DDX18: variants seen among roughly 807,000 people sequenced by gnomAD.
DDX18 encodes the protein ATP-dependent RNA helicase DDX18.
In DDX18, 23 loss-of-function variants were observed where a neutral mutation model predicts 73.5. The ratio of observed to expected loss-of-function variants is 0.31; its 90% CI spans 0.23 to 0.44. The LOEUF (loss-of-function observed/expected upper bound fraction) is 0.44, where lower values mean the gene tolerates loss of function less well. Ranked by LOEUF, DDX18 falls within the 20% of genes least tolerant of loss-of-function variation. The probability of loss-of-function intolerance (pLI) is 1.00; values close to 1 mark genes in which losing one functional copy is unlikely to be tolerated. For synonymous variants in DDX18, 268 were observed against 282.7 expected, an observed-to-expected ratio of 0.95 and a Z score of 0.52; for missense variants, 753 against 792.9, an observed-to-expected ratio of 0.95 and a Z score of 0.60.
rs1000878206 is a variant in DDX18 at position 117,831,647 on chromosome 2, C to T, written c.*923C>T. 8.5e-5 allele frequency: 13 copies of T among 152,074 alleles called. No individual in the cohort carries two copies. The highest frequency in any genetic ancestry group is 1.4e-4 in the African/African-American group (6 of 41,398). 9.4% of individuals were successfully genotyped at this position (152,074 alleles called of 1,614,324 possible). ...TTGGAGTTAGAGCCAAGCTGTCAGA[C>T]GGTGCCCAGCACACATTAATGTTAG... On this transcript the variant is annotated 3_prime_UTR_variant, in exon 14 of 14. Coordinates refer to ENST00000263239, the MANE Select transcript of DDX18 (RefSeq NM_006773.4).
Position 117,824,886 on chromosome 2 carries a change from A to C in DDX18, c.1207-54A>C, listed in dbSNP as rs1394359892. 6.5e-6 allele frequency: 10 copies of C among 1,546,886 alleles called. No individual in the cohort carries two copies. In the South Asian group the frequency reaches 1.1e-4, roughly 17 times the overall value. ...CTTGATGAAATTACACAAGTTAGGA[A>C]ATGGAAAATGTCCACTTGGTTCATT... On this transcript the variant is annotated intron_variant, in intron 8 of 13. Transcript: ENST00000263239.
chr2:117,815,327 C>T (rs1165507109), intron 1 of DDX18, among the ~76,000 whole-genome samples: 1 of 152,214 alleles, frequency 6.6e-6, no homozygotes, highest in Non-Finnish European at 1.5e-5. Context: ...TTCTTTGATA[C>T]TATTGCCTTC....
At position 117,831,082 on chromosome 2, in the gene DDX18, G is replaced by A. The variant is rs535025409; in HGVS notation, c.*358G>A. ...TGTTTTGCGAAGATTTTTGTGGCATGGATTGCTGTGCTCACTGCTGTAAAA... is the reference window on the plus strand; with the variant it reads ...TGTTTTGCGAAGATTTTTGTGGCATAGATTGCTGTGCTCACTGCTGTAAAA... On this transcript the variant is annotated 3_prime_UTR_variant, in exon 14 of 14. Coordinates refer to ENST00000263239, the MANE Select transcript of DDX18 (RefSeq NM_006773.4). 53 of 220,034 alleles carry A rather than the reference G, an allele frequency of 2.4e-4. No homozygotes were observed. In the South Asian group the frequency reaches 3.5e-3, roughly 14 times the overall value. The allele number at this position is 220,034 out of a possible 1,614,324, so 13.6% of individuals were successfully genotyped here.
intron 4 of DDX18, among the ~76,000 whole-genome samples, 159 bp from the exon 5 acceptor site, chr2:117,821,491 G>T (rs762376904): frequency 3.9e-5 from 6 of 152,222 alleles, no homozygotes; most frequent in Non-Finnish European, 5.9e-5. Flanking sequence ...TTGTAGCACA[G>T]TTCTGACTTA....
At chr2:117,825,854 C>A (rs944146487) in intron 10 of DDX18, 2 of 442,600 alleles carry the variant, frequency 4.5e-6, no homozygotes, top group Non-Finnish European at 8.0e-6. Flanking sequence ...TTAAGAACAG[C>A]AGATGCCTGA....
Position 117,824,938 on chromosome 2 carries a change from A to G in DDX18, c.1207-2A>G. 6.2e-7 allele frequency: 1 copy of G among 1,601,500 alleles called. No individual in the cohort carries two copies. The highest frequency in any genetic ancestry group is 1.4e-5 in the African/African-American group (1 of 73,928). The stretch of plus-strand genomic sequence containing the variant: ...GTATCTGTCTGCTTAAACGCTTTCT[A>G]GGGATATGTTGTTTGTCCTTCTGAA... On this transcript the variant is annotated splice_acceptor_variant, in intron 8 of 13. Transcript: ENST00000263239. LOFTEE classifies it high-confidence loss of function.
At chr2:117,819,362 A>G (rs767510077) in intron 2 of DDX18, among the ~76,000 whole-genome samples, 4 of 152,180 alleles carry the variant, frequency 2.6e-5, no homozygotes, top group Admixed American at 6.5e-5. Context: ...TTAATCAGGT[A>G]TGCTTCCTTT....
At position 117,821,885 on chromosome 2, in the gene DDX18, C is replaced by T. The variant is rs779169832; in HGVS notation, c.775C>T (p.Pro259Ser). The stretch of plus-strand genomic sequence containing the variant: ...AGGAACAGGAGTCCTTATTCTCTCA[C>T]CTACTAGAGAACTAGCCATGCAAAC... ...RNGTGVLILS[P>S]TRELAMQTFG... Residue 259 changes from proline to serine, a missense_variant, in exon 6 of 14, where the codon CCT becomes TCT. Transcript: ENST00000263239. The T allele has an allele frequency of 6.2e-6, 10 of 1,613,952 alleles. No homozygotes were observed. The African/African-American group carries it at 1.1e-4, about 17-fold the overall frequency.
intron 12 of DDX18, 130 bp from the exon 13 acceptor site, chr2:117,829,159 T>C: frequency 8.6e-7 from 1 of 1,156,538 alleles, no homozygotes. Flanking sequence ...GCTATTCTAG[T>C]TATCACCACT....
chr2:117,820,015 C>T, intron 3 of DDX18, among the ~76,000 whole-genome samples: 1 of 152,160 alleles, frequency 6.6e-6, no homozygotes, highest in Admixed American at 6.5e-5. Flanking sequence ...TCATTCCTGA[C>T]ACCAAATATT....
intron 3 of DDX18, 87 bp from the exon 4 acceptor site, chr2:117,821,074 T>G (rs957476418): frequency 1.5e-6 from 2 of 1,364,680 alleles, no homozygotes; most frequent in Non-Finnish European, 1.9e-6. Flanking sequence ...GGGAAGCTTT[T>G]CTAAGCAAAA....
chr2:117,826,517 G>A (rs1181860345), intron 11 of DDX18, 135 bp downstream of exon 11: 5 of 791,976 alleles, frequency 6.3e-6, no homozygotes, highest in Non-Finnish European at 1.0e-5. Context: ...AAGCAAGTAA[G>A]GTTTTATGTA....
In DDX18 at chr2:117,821,199, C is replaced by T; in HGVS notation, c.553C>T (p.Leu185Phe). Residue 185 changes from leucine (L) to phenylalanine (F), a missense_variant, in exon 4 of 14, where the codon CTT (leucine) becomes TTT (phenylalanine). By Grantham distance (22) the Leu-to-Phe change is conservative (BLOSUM62 0). Coordinates refer to ENST00000263239, the MANE Select transcript of DDX18 (RefSeq NM_006773.4). ...EDTSFASLCN[L>F]VNENTLKAIK... ...TACTTCGTTTGCTTCTCTATGTAAT[C>T]TTGTCAATGAAAACACTCTGAAGGC... is the stretch of plus-strand genomic sequence containing the variant. The T allele has an allele frequency of 1.9e-6, 3 of 1,607,256 alleles. No homozygotes were observed. Among genetic ancestry groups the T allele is most frequent in the Non-Finnish European group, 2.5e-6 (3 of 1,177,176 alleles).
intron 4 of DDX18, 30 bp downstream of exon 4, chr2:117,821,326 G>T (rs990600563): frequency 6.3e-7 from 1 of 1,581,252 alleles, no homozygotes; most frequent in African/African-American, 1.4e-5. Context: ...TTAGATATTG[G>T]CATCTATTTT....
intron 4 of DDX18, 64 bp downstream of exon 4, chr2:117,821,360 C>T: frequency 3.9e-6 from 6 of 1,524,934 alleles, no homozygotes; most frequent in Non-Finnish European, 5.3e-6. Flanking sequence ...TGATAAAGAA[C>T]ATACCAGTAT....
Position 117,828,939 on chromosome 2 carries a change from T to C in DDX18, c.1636-10T>C, listed in dbSNP as rs766692355. Reference sequence around the variant, plus strand: ...CCTGGTTTACTAATCTTAATACTTTTGATTTCTAGGTTCCATTAAGTGAAT... The same window carrying C: ...CCTGGTTTACTAATCTTAATACTTTCGATTTCTAGGTTCCATTAAGTGAAT... On this transcript the variant is annotated splice_polypyrimidine_tract_variant and intron_variant, in intron 11 of 13. Coordinates refer to ENST00000263239, the MANE Select transcript of DDX18 (RefSeq NM_006773.4). 6.3e-6 allele frequency: 10 copies of C among 1,586,208 alleles called. No individual in the cohort carries two copies. Among genetic ancestry groups the C allele is most frequent in the Admixed American group, 1.7e-5 (1 of 59,792 alleles).
At position 117,814,704 on chromosome 2, in the gene DDX18, A is replaced by G; in HGVS notation, c.-74A>G. ...GCCGAGCTGCGCACGTGCGGCCGGA[A>G]GGGAAGTAACGTCAGCCTGAGAACT... On this transcript the variant is annotated 5_prime_UTR_variant, in exon 1 of 14. Coordinates refer to ENST00000263239, the MANE Select transcript of DDX18 (RefSeq NM_006773.4). 1 of 1,475,284 alleles carries G rather than the reference A, an allele frequency of 6.8e-7. No individual in the cohort carries two copies. The highest frequency in any genetic ancestry group is 2.4e-5 in the East Asian group (1 of 41,192). The allele number at this position is 1,475,284 out of a possible 1,614,324, so 91.4% of individuals were successfully genotyped here.
chr2:117,825,308 G>T, intron 9 of DDX18, 139 bp from the exon 10 acceptor site: 1 of 1,236,462 alleles, frequency 8.1e-7, no homozygotes, highest in Non-Finnish European at 1.1e-6. Flanking sequence ...CTCCTTGAGG[G>T]GCTTGCGGAA....
chr2:117,826,397 T>G lies in DDX18; in HGVS notation c.1635+15T>G, dbSNP rs755297944. On this transcript the variant is annotated intron_variant, in intron 11 of 13. Coordinates refer to ENST00000263239, the MANE Select transcript of DDX18 (RefSeq NM_006773.4). ...AACAATCCAAGGTAAAGATCTGTAC[T>G]TGGAGAAAGATTTCTCTTGGTGTAG... The G allele has an allele frequency of 1.2e-6, 2 of 1,608,464 alleles. No homozygotes were observed. Among genetic ancestry groups the G allele is most frequent in the African/African-American group, 1.3e-5 (1 of 74,884 alleles).
Sources: allele counts gnomAD v4.1 joint callset (sites outside exome capture counted in the v4.1 genomes callset), GRCh38; gene constraint gnomAD v4.1.1; transcripts MANE v1.5; gene names NCBI Gene and HGNC (gene_info 2026-07-23, HGNC 2026-07-21).